Variants in CSMD3 observed in about 807,000 individuals in gnomAD.
The protein encoded by CSMD3 is CUB and Sushi multiple domains 3, also known as CUB and sushi domain-containing protein 3.
In CSMD3, 177 loss-of-function variants were observed where a neutral mutation model predicts 435.2. The observed-to-expected ratio is 0.41, with a 90% CI of 0.36 to 0.46. The LOEUF is 0.46. CSMD3 is among the 20% of genes least tolerant of loss of function. CSMD3 has a pLI of 0.34. For synonymous variants in CSMD3, 1,656 were observed against 1,520.5 expected, an observed-to-expected ratio of 1.09 and a Z score of -2.07; for missense variants, 4,265 against 4,504.6, an observed-to-expected ratio of 0.95 and a Z score of 1.52.
In CSMD3 at chr8:112,650,203, C is replaced by T. The variant is rs764801003; in HGVS notation, c.3151G>A (p.Glu1051Lys). The change falls in exon 19 of 71, where the codon GAA (glutamate) becomes AAA (lysine). Residue 1051 changes from glutamate to lysine, a missense_variant. Glu to Lys is a moderately conservative substitution (Grantham distance 56). This residue lies in a region of CSMD3 where 3,255 missense variants were observed against 3,380.2 expected (regional missense o/e 0.96). Transcript: ENST00000297405. ...GGATGACTCCACCAGTGGTTTTTTT[C>T]GCATAGAAGGGGCTCTTCATGACTC... ...RLSHEEPLLC[E>K]KNHWWSHPLP... 1.9e-6 allele frequency: 3 copies of T among 1,613,122 alleles called. No homozygotes were observed. The highest frequency in any genetic ancestry group is 1.7e-5 in the Admixed American group (1 of 59,968).
At chr8:112,976,875 A>G (rs1245193118) in intron 6 of CSMD3, among the ~76,000 whole-genome samples, 1 of 151,968 alleles carries the variant, frequency 6.6e-6, no homozygotes, top group Non-Finnish European at 1.5e-5. Context: ...ATTATTATAC[A>G]GCACGTAACT....
intron 6 of CSMD3, among the ~76,000 whole-genome samples, chr8:112,981,172 A>G (rs1438307641): frequency 6.6e-6 from 1 of 151,458 alleles, no homozygotes; most frequent in Admixed American, 6.6e-5. Flanking sequence ...CAATAATACA[A>G]TATAGCCTTG....
At chr8:112,403,266 ACTCTAACCCTTACTATG>A (rs1831491273) in intron 35 of CSMD3, among the ~76,000 whole-genome samples, 2 of 152,090 alleles carry the variant, frequency 1.3e-5, no homozygotes, top group South Asian at 4.1e-4. Flanking sequence ...TCCTGCCTCC[ACTCTAACCCTTACTATG>A]CTCTGCCACT....
At chr8:112,353,116 TGC>T (rs755872749) in intron 38 of CSMD3, among the ~76,000 whole-genome samples, 1 of 152,048 alleles carries the variant, frequency 6.6e-6, no homozygotes, top group Non-Finnish European at 1.5e-5. Flanking sequence ...AGAGGCCAAG[TGC>T]GGTGGTTCAT....
At chr8:113,219,380 A>G (rs2092942012) in intron 3 of CSMD3, among the ~76,000 whole-genome samples, 1 of 151,466 alleles carries the variant, frequency 6.6e-6, no homozygotes, top group African/African-American at 2.4e-5. Context: ...TCTGCAAATT[A>G]GCAAATAGAA....
chr8:112,368,140 T>A (rs773270169), intron 38 of CSMD3, among the ~76,000 whole-genome samples: 2 of 152,298 alleles, frequency 1.3e-5, no homozygotes, highest in African/African-American at 4.8e-5. Flanking sequence ...TCCCTTCAAA[T>A]GCCAAGCCAT....
intron 5 of CSMD3, among the ~76,000 whole-genome samples, chr8:113,045,350 G>C (rs1402254382): frequency 1.3e-5 from 2 of 148,872 alleles, no homozygotes; most frequent in Non-Finnish European, 3.0e-5. Context: ...AATTTTATTC[G>C]TTTCAACCAA....
chr8:112,399,265 A>ATTT (rs111906592), intron 35 of CSMD3, among the ~76,000 whole-genome samples: 1 of 145,372 alleles, frequency 6.9e-6, no homozygotes, highest in Non-Finnish European at 1.5e-5. Flanking sequence ...TTGATTCCAA[A>ATTT]TTTTTTTTTT....
intron 9 of CSMD3, among the ~76,000 whole-genome samples, chr8:112,925,170 A>G (rs938711822): frequency 3.3e-5 from 5 of 152,092 alleles, no homozygotes; most frequent in African/African-American, 1.2e-4. Flanking sequence ...ACTTTTTCTC[A>G]TACCTTTGGT....
chr8:112,406,562 G>T lies in CSMD3; in HGVS notation c.5771C>A (p.Ser1924Tyr), dbSNP rs968189357. The T allele has an allele frequency of 1.9e-6, 3 of 1,612,024 alleles. No individual in the cohort carries two copies. The highest frequency in any genetic ancestry group is 4.5e-5 in the East Asian group (2 of 44,780). ...IAIRCETVPNSLAQWNDSLPT... is the reference protein window; with the variant it reads ...IAIRCETVPNYLAQWNDSLPT... ...TAAGGAATCATTCCACTGGGCCAAA[G>T]AATTGGGCACTGTTTCACACCTAAT... The change falls in exon 35 of 71, where the codon TCT becomes TAT. Residue 1924 changes from serine to tyrosine, a missense_variant. Around this residue, in one of 3 missense-constraint regions of CSMD3, gnomAD observed 3,255 missense variants for 3,380.2 expected, o/e 0.96. Coordinates refer to ENST00000297405, the MANE Select transcript of CSMD3 (RefSeq NM_198123.2).
At chr8:112,335,830 G>T (rs369458529) in intron 44 of CSMD3, among the ~76,000 whole-genome samples, 44 of 151,194 alleles carry the variant, frequency 2.9e-4, no homozygotes, top group African/African-American at 1.0e-3. Context: ...GAGAATCACA[G>T]ACTGTTAAAG....
Position 112,587,207 on chromosome 8 carries a change from A to G in CSMD3, c.3744T>C (p.Asn1248=). 2.5e-6 allele frequency: 4 copies of G among 1,610,324 alleles called. No homozygotes were observed. The highest frequency in any genetic ancestry group is 3.4e-6 in the Non-Finnish European group (4 of 1,177,368). ...VAECGASATN[N]EGILLSPNYP... ...AATTTGGAGACAGCAAAATTCCTTC[A>G]TTATTCGTTGCAGATGCACCACATT... Residue 1248 remains asparagine (N), a synonymous_variant, in exon 23 of 71, where the codon AAT becomes AAC. Coordinates refer to ENST00000297405, the MANE Select transcript of CSMD3 (RefSeq NM_198123.2).
intron 13 of CSMD3, among the ~76,000 whole-genome samples, chr8:112,692,292 A>T (rs987063566): frequency 9.9e-5 from 15 of 151,974 alleles, no homozygotes; most frequent in African/African-American, 3.6e-4. Context: ...CTCTAAATTG[A>T]TATGGAGAGA....
At chr8:113,364,516 A>G (rs2094298948) in intron 1 of CSMD3, among the ~76,000 whole-genome samples, 1 of 152,142 alleles carries the variant, frequency 6.6e-6, no homozygotes, top group African/African-American at 2.4e-5. Flanking sequence ...GAAGGAAAAT[A>G]GCCAAATTAA....
chr8:112,337,467 G>T, intron 43 of CSMD3, 76 bp downstream of exon 43: 1 of 1,114,498 alleles, frequency 9.0e-7, no homozygotes, highest in Non-Finnish European at 1.4e-6. Flanking sequence ...GGAAGAGGAA[G>T]ACAAGTAAAA....
chr8:112,469,466 C>T (rs1040770634), intron 32 of CSMD3, among the ~76,000 whole-genome samples: 4 of 152,146 alleles, frequency 2.6e-5, no homozygotes, highest in South Asian at 2.1e-4. Context: ...ATTTGACAGA[C>T]GTGCTAAATC....
chr8:112,801,918 T>C (rs1011032526), intron 12 of CSMD3, among the ~76,000 whole-genome samples: 1 of 152,016 alleles, frequency 6.6e-6, no homozygotes, highest in Admixed American at 6.6e-5. Context: ...GTATTGCTCT[T>C]TTTTACATCC....
chr8:112,882,153 A>C (rs1343162647), intron 10 of CSMD3, among the ~76,000 whole-genome samples: 3 of 151,938 alleles, frequency 2.0e-5, no homozygotes, highest in African/African-American at 7.2e-5. Flanking sequence ...AGGACAAGAA[A>C]ATCTCAGGAC....
At chr8:113,096,244 C>G (rs971434316) in intron 5 of CSMD3, among the ~76,000 whole-genome samples, 5 of 152,056 alleles carry the variant, frequency 3.3e-5, no homozygotes, top group Non-Finnish European at 7.4e-5. Flanking sequence ...CATCATCCCT[C>G]CAAAAATGTT....
Sources: gnomAD v4.1 joint callset for allele counts (sites outside exome capture counted in the v4.1 genomes callset) on GRCh38, gnomAD v4.1.1 for gene constraint, gnomAD v4.1.1 regional missense constraint, MANE v1.5 for transcripts, NCBI Gene and HGNC (gene_info 2026-07-23, HGNC 2026-07-21) for gene names.